ZNF695: variants seen among roughly 807,000 people sequenced by gnomAD.
ZNF695 encodes the protein zinc finger protein 695, also known as zinc finger protein SBZF3.
In ZNF695, 11 loss-of-function variants were observed where a neutral mutation model predicts 11.2. That is an observed-to-expected ratio of 0.98 (90% CI 0.62 to 1.62). The LOEUF (loss-of-function observed/expected upper bound fraction) is 1.62. Ranked by LOEUF, ZNF695 falls within the 40% of genes most tolerant of loss-of-function variation. The pLI, the probability that ZNF695 is intolerant of heterozygous loss-of-function variation, is 0.00. For missense variants in ZNF695, 559 were observed against 590.5 expected, an observed-to-expected ratio of 0.95 and a Z score of 0.55; for synonymous variants, 190 against 201.4, an observed-to-expected ratio of 0.94 and a Z score of 0.48.
downstream of ZNF695, among the ~76,000 whole-genome samples, chr1:246,983,109 C>A (rs1429456334): frequency 6.6e-6 from 1 of 150,626 alleles, no homozygotes; most frequent in African/African-American, 2.4e-5. Flanking sequence ...GAGGCTGAGG[C>A]AGAAGAATGG....
chr1:246,965,941 A>T (rs999281658), intron 5 of ZNF695, among the ~76,000 whole-genome samples: 1 of 150,750 alleles, frequency 6.6e-6, no homozygotes, highest in African/African-American at 2.4e-5. Flanking sequence ...AATTAAAAAT[A>T]TATATATATT....
rs1422083632 is a variant in ZNF695 at position 246,987,803 on chromosome 1, T to C, written c.712A>G (p.Lys238Glu). 1.2e-6 allele frequency: 2 copies of C among 1,609,072 alleles called. No homozygotes were observed. Among genetic ancestry groups the C allele is most frequent in the Non-Finnish European group, 1.7e-6 (2 of 1,178,682 alleles). ...TTACATTCTTCACATTTGCAATGTT[T>C]CTCTCCAACATGAATTCTCTTACAG... ...TDCKRIHVGE[K>E]HCKCEECNNI... The change falls in exon 4 of 4, where the codon AAA becomes GAA. Residue 238 changes from lysine to glutamate, a missense_variant. By Grantham distance (56) the Lys-to-Glu change is moderately conservative. Transcript: ENST00000339986.
In ZNF695 at chr1:246,985,535, T is replaced by G. The variant is rs376653948; in HGVS notation, c.*1432A>C. The G allele has an allele frequency of 3.1e-4, 308 of 985,406 alleles. 5 individuals carry two copies. In the South Asian group the frequency reaches 9.6e-3, roughly 31 times the overall value. The allele number at this position is 985,406 out of a possible 1,614,324, so 61.0% of individuals were successfully genotyped here. On this transcript the variant is annotated 3_prime_UTR_variant, in exon 4 of 4. Transcript: ENST00000339986. ...ACCATTTGTTACCTACAACCGTAACTAAGGTGAGATAGGTTAACGTTGGTG... is the reference window on the plus strand; with the variant it reads ...ACCATTTGTTACCTACAACCGTAACGAAGGTGAGATAGGTTAACGTTGGTG...
At chr1:246,996,327 C>T (rs973747474) in intron 3 of ZNF695, 1 of 215,684 alleles carries the variant, frequency 4.6e-6, no homozygotes, top group Non-Finnish European at 9.3e-6. Context: ...GCACTCCAGC[C>T]TTGGCGACAG....
chr1:246,978,180 T>G lies in ZNF695; in HGVS notation c.390+9945A>C, dbSNP rs146106088. 4.4e-4 allele frequency among the ~76,000 whole-genome samples: 67 copies of G among 152,326 alleles called. 3 individuals are homozygous for G. In the East Asian group the frequency reaches 0.012, roughly 27 times the overall value. On this transcript the variant is annotated intron_variant, in intron 4 of 5. Transcript: ENST00000487338. ...CATGAGTTCTGACAAAAAGGCTATTTACATTGTGCACTGGAACAGGGTGTT... is the reference window on the plus strand; with the variant it reads ...CATGAGTTCTGACAAAAAGGCTATTGACATTGTGCACTGGAACAGGGTGTT...
intron 3 of ZNF695, among the ~76,000 whole-genome samples, chr1:246,998,838 T>A (rs1225508137): frequency 6.6e-6 from 1 of 152,036 alleles, no homozygotes; most frequent in Non-Finnish European, 1.5e-5. Context: ...TGTGGTGGCG[T>A]GAGCCTGTAG....
intron 3 of ZNF695, among the ~76,000 whole-genome samples, chr1:246,995,319 G>C (rs1256466618): frequency 6.6e-6 from 1 of 152,190 alleles, no homozygotes; most frequent in African/African-American, 2.4e-5. Flanking sequence ...ACACACTTGA[G>C]CATGTTCTTC....
intron 4 of ZNF695, among the ~76,000 whole-genome samples, chr1:246,977,468 G>C (rs1331991531): frequency 6.6e-6 from 1 of 152,168 alleles, no homozygotes; most frequent in Non-Finnish European, 1.5e-5. Flanking sequence ...ATGTTGGCCA[G>C]GTTTCGAAAG....
chr1:246,969,981 T>C (rs1401960353), intron 4 of ZNF695, among the ~76,000 whole-genome samples: 1 of 152,116 alleles, frequency 6.6e-6, no homozygotes, highest in Non-Finnish European at 1.5e-5. Context: ...GAGATGTGGG[T>C]GGGAACGCAG....
chr1:246,956,634 C>T (rs1030057077), intron 5 of ZNF695, among the ~76,000 whole-genome samples: 13 of 152,054 alleles, frequency 8.5e-5, no homozygotes, highest in African/African-American at 2.9e-4. Context: ...AAAAAAAGAT[C>T]ATGGGATAAT....
At chr1:246,981,500 TTCTG>T (rs993535893), downstream of ZNF695, among the ~76,000 whole-genome samples, 2 of 152,240 alleles carry the variant, frequency 1.3e-5, no homozygotes, top group African/African-American at 4.8e-5. Flanking sequence ...AAATAAATGT[TTCTG>T]TCTTTCTCAT....
intron 5 of ZNF695, among the ~76,000 whole-genome samples, chr1:246,960,115 C>T (rs1011129682): frequency 7.9e-5 from 12 of 152,200 alleles, no homozygotes; most frequent in Admixed American, 5.2e-4. Context: ...AATAATTTAA[C>T]TGCTTGCTTT....
At chr1:246,959,073 G>C (rs190970447) in intron 5 of ZNF695, among the ~76,000 whole-genome samples, 2 of 151,204 alleles carry the variant, frequency 1.3e-5, no homozygotes, top group Non-Finnish European at 2.9e-5. Context: ...ATTGCTTGAG[G>C]CCAGGAGTTT....
At position 246,985,743 on chromosome 1, in the gene ZNF695, T is replaced by C; in HGVS notation, c.*1224A>G. ...TCAAATGTTTCTTTCTTAAATATAA[T>C]GCAGAATAGTACTCTGAAGACCTAT... On this transcript the variant is annotated 3_prime_UTR_variant, in exon 4 of 4. Transcript: ENST00000339986. 3 of 985,392 alleles carry C rather than the reference T, an allele frequency of 3.0e-6. No individual in the cohort carries two copies. The highest frequency in any genetic ancestry group is 4.7e-5 in the South Asian group (1 of 21,284). The allele number at this position is 985,392 out of a possible 1,614,324, so 61.0% of individuals were successfully genotyped here. A position where few individuals can be genotyped will look rare whatever the true frequency, so the allele number is the denominator to read the frequency against.
intron 5 of ZNF695, among the ~76,000 whole-genome samples, chr1:246,962,448 C>T (rs10924875): frequency 0.3 from 45,082 of 152,116 alleles, 7,862 homozygotes; most frequent in East Asian, 0.42. Flanking sequence ...TTGTTTACCA[C>T]GTCATAAAGA....
chr1:246,981,838 A>C (rs1668717809), downstream of ZNF695, among the ~76,000 whole-genome samples: 2 of 152,192 alleles, frequency 1.3e-5, no homozygotes, highest in Admixed American at 6.5e-5. Flanking sequence ...ATGATCTCTG[A>C]GATGTCTTTA....
At chr1:246,954,912 T>C (rs911359157) in intron 5 of ZNF695, among the ~76,000 whole-genome samples, 1 of 152,230 alleles carries the variant, frequency 6.6e-6, no homozygotes, top group East Asian at 1.9e-4. Context: ...ACTATACACC[T>C]AGGCTATCAG....
chr1:246,971,438 G>T (rs1668423368), intron 4 of ZNF695, among the ~76,000 whole-genome samples: 1 of 152,120 alleles, frequency 6.6e-6, no homozygotes, highest in Non-Finnish European at 1.5e-5. Context: ...ACAAGAGGTG[G>T]TGGAGCAGAG....
At chr1:246,981,386 C>T (rs1668708987), downstream of ZNF695, among the ~76,000 whole-genome samples, 1 of 152,128 alleles carries the variant, frequency 6.6e-6, no homozygotes, top group Admixed American at 6.5e-5. Context: ...GGATATATAT[C>T]CACAAAAATA....
Sources: gnomAD v4.1 joint callset for allele counts (sites outside exome capture counted in the v4.1 genomes callset) on GRCh38, gnomAD v4.1.1 for gene constraint, MANE v1.5 for transcripts, NCBI Gene and HGNC (gene_info 2026-07-23, HGNC 2026-07-21) for gene names.